The following CNTN5 variants were observed in gnomAD, a reference collection of about 807,000 sequenced individuals.
CNTN5 encodes the protein contactin-5.
Under a neutral mutation model 129.1 loss-of-function variants are expected in CNTN5, and 77 were observed. That is an observed-to-expected ratio of 0.60 (90% CI 0.50 to 0.72). The LOEUF is 0.72. CNTN5 is among the 30% of genes least tolerant of loss of function. The probability of loss-of-function intolerance (pLI) is 0.00; values close to 1 mark genes in which losing one functional copy is unlikely to be tolerated. For synonymous variants in CNTN5, 509 were observed against 465.6 expected, an observed-to-expected ratio of 1.09 and a Z score of -1.20; for missense variants, 1,478 against 1,328.8, an observed-to-expected ratio of 1.11 and a Z score of -1.75.
At chr11:100,046,958 A>G (rs1942714769) in intron 9 of CNTN5, among the ~76,000 whole-genome samples, 2 of 152,146 alleles carry the variant, frequency 1.3e-5, no homozygotes, top group African/African-American at 4.8e-5. Context: ...GATGATCACA[A>G]GTTTCATAGA....
At chr11:99,042,738 G>A (rs930189092) in intron 1 of CNTN5, among the ~76,000 whole-genome samples, 2 of 152,124 alleles carry the variant, frequency 1.3e-5, no homozygotes, top group Non-Finnish European at 2.9e-5. Flanking sequence ...GCAGTACAAT[G>A]CCTGGAATTC....
chr11:99,067,934 T>C (rs1865170700), intron 1 of CNTN5, among the ~76,000 whole-genome samples: 1 of 152,134 alleles, frequency 6.6e-6, no homozygotes, highest in Admixed American at 6.6e-5. Flanking sequence ...AGGGGTGGTT[T>C]TCCCCATGCT....
chr11:99,345,463 T>C (rs1937778982), intron 2 of CNTN5, among the ~76,000 whole-genome samples: 1 of 152,312 alleles, frequency 6.6e-6, no homozygotes, highest in East Asian at 1.9e-4. Context: ...ACTTATGCCC[T>C]CATCCCTGTG....
intron 1 of CNTN5, among the ~76,000 whole-genome samples, chr11:99,290,743 T>C (rs1431678238): frequency 2.0e-5 from 3 of 151,880 alleles, no homozygotes; most frequent in Non-Finnish European, 4.4e-5. Flanking sequence ...CCATCTTTTG[T>C]ATACTACGAA....
intron 3 of CNTN5, among the ~76,000 whole-genome samples, chr11:99,608,115 AT>A (rs1414910047): frequency 2.8e-5 from 4 of 144,876 alleles, no homozygotes; most frequent in Non-Finnish European, 6.0e-5. Flanking sequence ...AAAAAAAAAA[AT>A]CACAGTGTTT....
chr11:99,142,976 T>C (rs1859596278), intron 1 of CNTN5, among the ~76,000 whole-genome samples: 1 of 152,140 alleles, frequency 6.6e-6, no homozygotes, highest in Admixed American at 6.5e-5. Context: ...TTCTCTATCC[T>C]TCAATCCCTT....
At chr11:99,902,248 T>G (rs1186146009) in intron 6 of CNTN5, among the ~76,000 whole-genome samples, 1 of 151,968 alleles carries the variant, frequency 6.6e-6, no homozygotes, top group African/African-American at 2.4e-5. Context: ...AGGAGTTTTT[T>G]TTTTTTTTTT....
intron 2 of CNTN5, among the ~76,000 whole-genome samples, chr11:99,438,957 C>G (rs768389228): frequency 4.6e-5 from 7 of 152,068 alleles, no homozygotes; most frequent in African/African-American, 1.7e-4. Context: ...ATGTAGTGAA[C>G]AAAATAAGCA....
chr11:99,187,304 C>T (rs915458593), intron 1 of CNTN5, among the ~76,000 whole-genome samples: 16 of 151,436 alleles, frequency 1.1e-4, no homozygotes, highest in South Asian at 2.1e-4. Flanking sequence ...GAGAAGTCTG[C>T]GAAATAAAGG....
chr11:99,586,881 G>A lies in CNTN5; in HGVS notation c.55+30612G>A, dbSNP rs117521520. ...AATAAAGTAAAAAACTCTAACTCAG[G>A]GCACCATAAAGTGCTAGATATGTAA... On this transcript the variant is annotated intron_variant, in intron 3 of 24. Coordinates refer to ENST00000524871, the MANE Select transcript of CNTN5 (RefSeq NM_014361.4). Among the ~76,000 whole-genome samples, 28 of 152,124 alleles carry A rather than the reference G, an allele frequency of 1.8e-4. No homozygotes were observed. In the East Asian group the frequency reaches 5.4e-3, roughly 29 times the overall value.
chr11:99,971,759 G>T (rs1441666239), intron 8 of CNTN5, among the ~76,000 whole-genome samples: 1 of 151,696 alleles, frequency 6.6e-6, no homozygotes, highest in Non-Finnish European at 1.5e-5. Flanking sequence ...TATGGCTAAA[G>T]TTTATAACTC....
chr11:99,030,230 G>A (rs577506069), intron 1 of CNTN5, among the ~76,000 whole-genome samples: 3 of 152,096 alleles, frequency 2.0e-5, no homozygotes, highest in Non-Finnish European at 4.4e-5. Context: ...TGTAGATTTA[G>A]GAATCAAAAT....
At chr11:99,332,543 C>A (rs544523556) in intron 2 of CNTN5, among the ~76,000 whole-genome samples, 2 of 152,088 alleles carry the variant, frequency 1.3e-5, no homozygotes, top group South Asian at 4.1e-4. Context: ...TTTTTTTTAT[C>A]ATATACATAC....
chr11:99,956,046 G>T (rs1950794582), intron 7 of CNTN5, among the ~76,000 whole-genome samples: 2 of 151,804 alleles, frequency 1.3e-5, no homozygotes, highest in African/African-American at 4.8e-5. Context: ...GGTAGAAGGA[G>T]CTCCTAACAT....
At chr11:100,126,395 C>T (rs1391848743) in intron 13 of CNTN5, among the ~76,000 whole-genome samples, 1 of 152,076 alleles carries the variant, frequency 6.6e-6, no homozygotes, top group African/African-American at 2.4e-5. Context: ...GTTGGTCCCC[C>T]TCTACTATTG....
chr11:100,056,670 A>G (rs1042895061), intron 9 of CNTN5, among the ~76,000 whole-genome samples: 6 of 151,774 alleles, frequency 4.0e-5, no homozygotes, highest in Admixed American at 3.9e-4. Context: ...GTAGTGGGAA[A>G]TTAACACACC....
At chr11:99,755,796 T>G (rs2135248814) in intron 3 of CNTN5, among the ~76,000 whole-genome samples, 1 of 152,220 alleles carries the variant, frequency 6.6e-6, no homozygotes, top group South Asian at 2.1e-4. Flanking sequence ...CTTCCTACTC[T>G]TAACTCCTTA....
intron 13 of CNTN5, among the ~76,000 whole-genome samples, chr11:100,187,517 G>A (rs1447543899): frequency 6.6e-6 from 1 of 151,858 alleles, no homozygotes; most frequent in Admixed American, 6.6e-5. Context: ...GAAAGCGGGA[G>A]GCATCATATT....
rs569594392 is a variant in CNTN5, at chr11:99,371,566, T to G, written c.-71+46082T>G. 7.9e-5 allele frequency among the ~76,000 whole-genome samples: 12 copies of G among 152,262 alleles called. No homozygotes were observed. In the East Asian group the frequency reaches 2.3e-3, roughly 29 times the overall value. The stretch of plus-strand genomic sequence containing the variant: ...ATGGGCTAATTTCTTAGTGGAGAAC[T>G]AAAATAGAATTAAACGTATTTGATG... On this transcript the variant is annotated intron_variant, in intron 2 of 24. Transcript: ENST00000524871.
Sources: gnomAD v4.1 joint callset for allele counts (sites outside exome capture counted in the v4.1 genomes callset) on GRCh38, gnomAD v4.1.1 for gene constraint, MANE v1.5 for transcripts, NCBI Gene and HGNC (gene_info 2026-07-23, HGNC 2026-07-21) for gene names.